SNED1: variants seen among roughly 807,000 people sequenced by gnomAD.
The protein encoded by SNED1 is sushi, nidogen and EGF-like domain-containing protein 1.
Under a neutral mutation model 166.7 loss-of-function variants are expected in SNED1, and 81 were observed. The observed-to-expected ratio is 0.49, with a 90% CI of 0.41 to 0.58. SNED1 has a LOEUF of 0.58. Ranked by LOEUF, SNED1 falls within the 20% of genes least tolerant of loss-of-function variation. The probability of loss-of-function intolerance (pLI) is 0.00; values close to 1 mark genes in which losing one functional copy is unlikely to be tolerated. For missense variants in SNED1, 1,604 were observed against 2,000.2 expected (o/e 0.80, Z 3.78); for synonymous variants, 762 against 822.0 (o/e 0.93, Z 1.25).
At chr2:241,012,486 G>A (rs536454353) in intron 1 of SNED1, among the ~76,000 whole-genome samples, 7 of 152,220 alleles carry the variant, frequency 4.6e-5, no homozygotes, top group African/African-American at 1.4e-4. Flanking sequence ...GTGTTTTTAG[G>A]GTGGCTCATC....
At position 241,064,997 on chromosome 2, in the gene SNED1, G is replaced by T. The variant is rs1372039950; in HGVS notation, c.2713+40G>T. 3 of 1,468,620 alleles carry T rather than the reference G, an allele frequency of 2.0e-6. No homozygotes were observed. In the East Asian group the frequency reaches 7.4e-5, roughly 36 times the overall value. 91.0% of individuals were successfully genotyped at this position (1,468,620 alleles called of 1,614,324 possible). A position where few individuals can be genotyped will look rare whatever the true frequency, so the allele number is the denominator to read the frequency against. On this transcript the variant is annotated intron_variant, in intron 20 of 31. Transcript: ENST00000310397. This position sits in a 1 kb window ranked among gnomAD's most constrained non-coding sequence, Gnocchi z 7.0. ...CGCCTCCAGTGAGGGAGCCACGAGG[G>T]GGTCCCCTCTCCCTAGAGGGCCCAA...
Position 241,089,158 on chromosome 2 carries a change from T to G in SNED1, c.*1+756T>G, listed in dbSNP as rs374971883. The G allele has an allele frequency of 1.0e-4, 78 of 767,936 alleles. 1 individual carries two copies. The highest frequency in any genetic ancestry group is 5.7e-4 in the East Asian group (20 of 35,134). 47.6% of individuals were successfully genotyped at this position (767,936 alleles called of 1,614,324 possible). On this transcript the variant is annotated intron_variant, in intron 31 of 31. Coordinates refer to ENST00000310397, the MANE Select transcript of SNED1 (RefSeq NM_001080437.3). ...GACTGGGATATACCATAGAAAGCCA[T>G]CTACAACCTGTTACCAGTTTCATAC...
chr2:241,006,266 C>T (rs2060218840), intron 1 of SNED1, among the ~76,000 whole-genome samples: 1 of 151,984 alleles, frequency 6.6e-6, no homozygotes, highest in African/African-American at 2.4e-5. Flanking sequence ...TCATTTCTTC[C>T]CTCATTATGT....
intron 1 of SNED1, among the ~76,000 whole-genome samples, chr2:241,020,864 T>C (rs2060750816): frequency 6.6e-6 from 1 of 152,170 alleles, no homozygotes; most frequent in Admixed American, 6.5e-5. Flanking sequence ...AGAGGCCATC[T>C]ACGGGCCCCC....
intron 3 of SNED1, among the ~76,000 whole-genome samples, 195 bp downstream of exon 3, chr2:241,034,070 G>A (rs1464116158): frequency 6.6e-6 from 1 of 152,162 alleles, no homozygotes; most frequent in Non-Finnish European, 1.5e-5. Context: ...AGGCCCAAAG[G>A]CACCTTTGTC....
At chr2:241,042,429 A>C (rs543832280) in intron 8 of SNED1, among the ~76,000 whole-genome samples, 2 of 152,282 alleles carry the variant, frequency 1.3e-5, no homozygotes, top group East Asian at 3.9e-4. Context: ...GCCAGAATAA[A>C]ATCCTATACT....
intron 16 of SNED1, among the ~76,000 whole-genome samples, chr2:241,056,741 C>A (rs1396273822): frequency 2.6e-5 from 4 of 151,764 alleles, no homozygotes; most frequent in Non-Finnish European, 5.9e-5. Context: ...TCACCACGCC[C>A]GGCTAATTTT....
At chr2:241,006,834 G>C (rs956612301) in intron 1 of SNED1, among the ~76,000 whole-genome samples, 1 of 152,186 alleles carries the variant, frequency 6.6e-6, no homozygotes, top group African/African-American at 2.4e-5. Context: ...GGAGATCCTA[G>C]GGTCGTGGCA....
At chr2:241,056,391 C>T (rs935175749) in intron 16 of SNED1, among the ~76,000 whole-genome samples, 7 of 152,078 alleles carry the variant, frequency 4.6e-5, no homozygotes, top group Non-Finnish European at 8.8e-5. Context: ...GCTGGGATTA[C>T]AGGCATGAAC....
chr2:241,072,606 G>A (rs890636222), intron 26 of SNED1: 1 of 266,252 alleles, frequency 3.8e-6, no homozygotes, highest in South Asian at 3.9e-5. Flanking sequence ...AATGCAGCAA[G>A]GAGAGTGGCA....
chr2:241,058,882 G>A (rs532354353), intron 16 of SNED1, among the ~76,000 whole-genome samples: 10 of 152,112 alleles, frequency 6.6e-5, no homozygotes, highest in African/African-American at 1.7e-4. Context: ...CCTGGGAGGC[G>A]GAGCTTGCAG....
intron 27 of SNED1, among the ~76,000 whole-genome samples, chr2:241,077,382 A>G (rs2063078316): frequency 6.6e-6 from 1 of 152,210 alleles, no homozygotes. Flanking sequence ...AGGCTCAACA[A>G]TAAAAGTATG....
At chr2:241,037,825 G>GC (rs1251739544) in intron 6 of SNED1, among the ~76,000 whole-genome samples, 1 of 152,226 alleles carries the variant, frequency 6.6e-6, no homozygotes, top group Non-Finnish European at 1.5e-5. Context: ...CCCTGCGGCT[G>GC]CTCCTGGACG....
At chr2:241,009,715 C>T (rs1028412743) in intron 1 of SNED1, among the ~76,000 whole-genome samples, 4 of 152,118 alleles carry the variant, frequency 2.6e-5, no homozygotes. Flanking sequence ...ATGTCCCCTC[C>T]TCCAGGAAGT....
In SNED1 at chr2:241,068,054, C is replaced by G; in HGVS notation, c.3194+107C>G. ...CATTCTCCGTGTGTGGACTGTACCA[C>G]CTGCCGCTCCTCACCTGAGCGGAGA... On this transcript the variant is annotated intron_variant, in intron 22 of 31. Transcript: ENST00000310397. This position sits in a 1 kb window ranked among gnomAD's most constrained non-coding sequence, Gnocchi z 5.3. 1 of 1,031,526 alleles carries G rather than the reference C, an allele frequency of 9.7e-7. No homozygotes were observed. The highest frequency in any genetic ancestry group is 1.4e-6 in the Non-Finnish European group (1 of 709,728). 63.9% of individuals were successfully genotyped at this position (1,031,526 alleles called of 1,614,324 possible).
At chr2:241,046,314 AAAGAGATGAAAACTTATGT>A (rs1283475147) in intron 8 of SNED1, among the ~76,000 whole-genome samples, 20 of 152,236 alleles carry the variant, frequency 1.3e-4, no homozygotes, top group Admixed American at 4.6e-4. Context: ...TATTAACTCT[AAAGAGATGAAAACTTATGT>A]TTACACACAA....
chr2:241,037,920 G>A (rs568822857), intron 6 of SNED1, among the ~76,000 whole-genome samples: 2 of 152,176 alleles, frequency 1.3e-5, no homozygotes, highest in African/African-American at 2.4e-5. Flanking sequence ...CCTCACTGCT[G>A]CTACCAAACC....
intron 16 of SNED1, 123 bp downstream of exon 16, chr2:241,053,449 C>G (rs1461604784): frequency 5.2e-6 from 5 of 957,048 alleles, no homozygotes; most frequent in African/African-American, 5.0e-5. Context: ...TGGTCCTGCC[C>G]CTGCTCCCCT....
At chr2:241,022,067 T>C (rs752760148) in intron 1 of SNED1, among the ~76,000 whole-genome samples, 6 of 152,236 alleles carry the variant, frequency 3.9e-5, no homozygotes, top group Non-Finnish European at 5.9e-5. Context: ...TGCTCTAGAG[T>C]AATGCCTATT....
Sources: gnomAD v4.1 joint callset for allele counts (sites outside exome capture counted in the v4.1 genomes callset) on GRCh38, gnomAD v4.1.1 for gene constraint, Gnocchi (gnomAD v3.1) non-coding constraint, MANE v1.5 for transcripts, NCBI Gene and HGNC (gene_info 2026-07-23, HGNC 2026-07-21) for gene names.